Variants in PCAT7 observed in about 807,000 individuals in gnomAD.
PCAT7 encodes prostate cancer associated transcript 7 (non-protein coding).
chr9:94,556,052 G>C (rs1827007395), intron 1 of PCAT7, among the ~76,000 whole-genome samples: 1 of 151,254 alleles, frequency 6.6e-6, no homozygotes. Flanking sequence ...TTTGAGAAAA[G>C]ATGGTGGGGA....
intron 1 of PCAT7, among the ~76,000 whole-genome samples, chr9:94,555,964 C>A (rs1187350951): frequency 1.5e-5 from 2 of 132,068 alleles, no homozygotes; most frequent in Admixed American, 8.4e-5. Flanking sequence ...GAAGCAGGGG[C>A]AGACTTTGTG....
chr9:94,563,363 G>A (rs2131442571), intron 2 of PCAT7: 1 of 1,614,112 alleles, frequency 6.2e-7, no homozygotes, highest in Non-Finnish European at 8.5e-7. Context: ...GGCTCTTCTG[G>A]TTGGCTGGGT....
exon 3 of PCAT7, chr9:94,572,990 T>A (rs1827284473): frequency 6.6e-6 from 1 of 152,180 alleles, no homozygotes; most frequent in Non-Finnish European, 1.5e-5. Context: ...TTCCTTGGGA[T>A]TTTCTACATA....
At chr9:94,569,165 G>C (rs1827237184) in intron 2 of PCAT7, 1 of 152,258 alleles carries the variant, frequency 6.6e-6, no homozygotes, top group Non-Finnish European at 1.5e-5. Flanking sequence ...TGGGCCTCTT[G>C]TAGGCCAAGG....
exon 1 of PCAT7, chr9:94,555,250 T>C (rs1438483843): frequency 6.6e-6 from 1 of 151,940 alleles, no homozygotes; most frequent in Non-Finnish European, 1.5e-5. Flanking sequence ...CGCGGCACCG[T>C]GGCGCGGCTC....
At chr9:94,570,691 T>C (rs552685070) in intron 2 of PCAT7, 7 of 152,342 alleles carry the variant, frequency 4.6e-5, no homozygotes, top group East Asian at 3.9e-4. Flanking sequence ...CTTGGTCTAA[T>C]GGGCATACAG....
At chr9:94,560,737 C>G (rs1423212766) in intron 2 of PCAT7, among the ~76,000 whole-genome samples, 2 of 146,932 alleles carry the variant, frequency 1.4e-5, no homozygotes, top group Admixed American at 1.4e-4. Context: ...TATATATTTA[C>G]ATATAATATG....
intron 2 of PCAT7, among the ~76,000 whole-genome samples, chr9:94,560,784 A>G (rs1054464866): frequency 2.7e-5 from 4 of 148,208 alleles, no homozygotes; most frequent in Admixed American, 6.8e-5. Flanking sequence ...TATTTTTTCT[A>G]TTGTATATAT....
chr9:94,565,910 CTAAT>C (rs1451467487), intron 2 of PCAT7, among the ~76,000 whole-genome samples: 2 of 152,138 alleles, frequency 1.3e-5, no homozygotes, highest in Admixed American at 1.3e-4. Context: ...TTGCCCTTGA[CTAAT>C]TACACCCATT....
At chr9:94,561,099 G>A (rs987478540) in intron 2 of PCAT7, among the ~76,000 whole-genome samples, 2 of 152,038 alleles carry the variant, frequency 1.3e-5, no homozygotes, top group South Asian at 2.1e-4. Context: ...AGCTTATAGC[G>A]CTCAGCATTT....
chr9:94,559,932 C>G (rs1827069929), intron 2 of PCAT7, among the ~76,000 whole-genome samples: 1 of 152,026 alleles, frequency 6.6e-6, no homozygotes, highest in Non-Finnish European at 1.5e-5. Flanking sequence ...ATTTGAGACC[C>G]CATTTGAGAT....
At chr9:94,571,350 G>T in intron 2 of PCAT7, 1 of 1,166,930 alleles carries the variant, frequency 8.6e-7, no homozygotes, top group South Asian at 2.3e-5. Flanking sequence ...AGGACCCCTG[G>T]TCCCCAAAAC....
At chr9:94,571,951 A>C (rs1189726305) in intron 2 of PCAT7, among the ~76,000 whole-genome samples, 1 of 152,188 alleles carries the variant, frequency 6.6e-6, no homozygotes, top group Non-Finnish European at 1.5e-5. Context: ...CTGAGCGTGC[A>C]GTGTCTCACT....
exon 2 of PCAT7, chr9:94,559,084 C>T (rs1395301557): frequency 6.2e-7 from 1 of 1,613,916 alleles, no homozygotes; most frequent in Non-Finnish European, 8.5e-7. Context: ...AAGCCTCCTG[C>T]CTGCTCAATG....
chr9:94,566,790 A>G (rs1037634233), intron 2 of PCAT7, among the ~76,000 whole-genome samples: 1 of 152,232 alleles, frequency 6.6e-6, no homozygotes, highest in Non-Finnish European at 1.5e-5. Flanking sequence ...GTTGGTATGA[A>G]GCCTTACAAA....
chr9:94,559,986 G>A (rs1271124687), intron 2 of PCAT7, among the ~76,000 whole-genome samples: 1 of 152,142 alleles, frequency 6.6e-6, no homozygotes, highest in African/African-American at 2.4e-5. Flanking sequence ...TTAACCAGGT[G>A]TGGTAGCGCA....
chr9:94,555,424 A>G (rs972289665), intron 1 of PCAT7: 3 of 152,086 alleles, frequency 2.0e-5, no homozygotes, highest in African/African-American at 7.2e-5. Context: ...GACGATGGGG[A>G]AAAGATGGTG....
chr9:94,571,170 C>T lies in PCAT7; in HGVS notation n.442-1809C>T, dbSNP rs78140534. On this transcript the variant is annotated intron_variant and non_coding_transcript_variant, in intron 2 of 8. Coordinates refer to ENST00000647389, the Ensembl canonical transcript of PCAT7. ...ATTGTGATTCTTAAATCATGGCATT[C>T]TCATAAGCCAAAGAGATTGAGTGCA... 4.6e-3 allele frequency among the ~76,000 whole-genome samples: 702 copies of T among 152,286 alleles called. 10 individuals are homozygous for T. The highest frequency in any genetic ancestry group is 0.016 in the African/African-American group (674 of 41,564).
intron 2 of PCAT7, among the ~76,000 whole-genome samples, chr9:94,561,510 A>C (rs770643547): frequency 2.0e-5 from 3 of 151,940 alleles, no homozygotes; most frequent in Non-Finnish European, 2.9e-5. Context: ...CCACAGGCAC[A>C]TGCCACCACG....
Sources: gnomAD v4.1 joint callset for allele counts (sites outside exome capture counted in the v4.1 genomes callset) on GRCh38, gnomAD v4.1.1 for gene constraint, MANE v1.5 for transcripts, NCBI Gene and HGNC (gene_info 2026-07-23, HGNC 2026-07-21) for gene names.